Variants in CAMK2D observed in about 807,000 individuals in gnomAD.
CAMK2D encodes the protein calcium/calmodulin-dependent protein kinase type II subunit delta.
Under a neutral mutation model 84.0 loss-of-function variants are expected in CAMK2D, and 37 were observed. The observed-to-expected ratio is 0.44, with a 90% confidence interval of 0.34 to 0.58. The LOEUF (loss-of-function observed/expected upper bound fraction) is 0.58. CAMK2D is among the 20% of genes least tolerant of loss of function. The pLI, the probability that CAMK2D is intolerant of heterozygous loss-of-function variation, is 0.02. For missense variants in CAMK2D, 448 were observed against 652.5 expected (o/e 0.69, Z 3.41); for synonymous variants, 202 against 212.5 (o/e 0.95, Z 0.43).
chr4:113,698,701 C>G lies in CAMK2D; in HGVS notation c.161-36929G>C, dbSNP rs576891713. On this transcript the variant is annotated intron_variant, in intron 2 of 20. Transcript: ENST00000511664. ...TTAATCCCATTCTCCAAAGGTGTTACCATCTGTCTTTCCAAACATATTTTG... is the reference window on the plus strand; with the variant it reads ...TTAATCCCATTCTCCAAAGGTGTTAGCATCTGTCTTTCCAAACATATTTTG... 5.3e-5 allele frequency among the ~76,000 whole-genome samples: 8 copies of G among 152,190 alleles called. No homozygotes were observed. The South Asian group carries it at 8.3e-4, about 16-fold the overall frequency.
intron 4 of CAMK2D, among the ~76,000 whole-genome samples, chr4:113,588,438 A>C (rs1032104663): frequency 1.3e-5 from 2 of 152,218 alleles, no homozygotes; most frequent in Admixed American, 6.5e-5. Context: ...CCATACAGGC[A>C]TAACTATTTT....
At chr4:113,729,634 T>C (rs1235207743) in intron 2 of CAMK2D, among the ~76,000 whole-genome samples, 2 of 152,206 alleles carry the variant, frequency 1.3e-5, no homozygotes, top group Non-Finnish European at 2.9e-5. Flanking sequence ...TACATCACCA[T>C]GATAGCACTT....
At chr4:113,636,989 T>G (rs749151927) in intron 3 of CAMK2D, among the ~76,000 whole-genome samples, 21 of 152,140 alleles carry the variant, frequency 1.4e-4, no homozygotes, top group Non-Finnish European at 2.9e-4. Flanking sequence ...CTCCCATCCT[T>G]GCCAGATAAA....
In CAMK2D at chr4:113,455,742, T is replaced by A. The variant is rs1302606430; in HGVS notation, c.*13A>T. 1.2e-6 allele frequency: 2 copies of A among 1,605,540 alleles called. No homozygotes were observed. Among genetic ancestry groups the A allele is most frequent in the South Asian group, 1.1e-5 (1 of 90,820 alleles). ...GTTACTTACAAGACCCATATGTGAA[T>A]GGTTTTCAGGCCTTAGATGTTTTGC... On this transcript the variant is annotated 3_prime_UTR_variant, in exon 20 of 21. Coordinates refer to ENST00000511664, the MANE Select transcript of CAMK2D (RefSeq NM_001321571.2).
intron 2 of CAMK2D, among the ~76,000 whole-genome samples, chr4:113,751,309 A>G (rs1291054736): frequency 6.6e-6 from 1 of 152,202 alleles, no homozygotes; most frequent in Non-Finnish European, 1.5e-5. Flanking sequence ...TCAACAAAAC[A>G]TCAAATTTTA....
chr4:113,695,659 C>T (rs2099400371), intron 2 of CAMK2D, among the ~76,000 whole-genome samples: 1 of 152,090 alleles, frequency 6.6e-6, no homozygotes, highest in Admixed American at 6.6e-5. Flanking sequence ...TTCTCACCAC[C>T]TCCCCTACAA....
At chr4:113,592,538 G>A (rs2098894775) in intron 4 of CAMK2D, among the ~76,000 whole-genome samples, 1 of 152,132 alleles carries the variant, frequency 6.6e-6, no homozygotes, top group Admixed American at 6.6e-5. Flanking sequence ...TGAGAAAATT[G>A]TGCTTTCAAA....
intron 3 of CAMK2D, among the ~76,000 whole-genome samples, chr4:113,618,729 A>G (rs975571253): frequency 2.6e-5 from 4 of 152,196 alleles, no homozygotes; most frequent in Non-Finnish European, 4.4e-5. Context: ...AAGTACATGA[A>G]AAATACATTC....
At chr4:113,556,817 T>C (rs921271931) in intron 4 of CAMK2D, among the ~76,000 whole-genome samples, 3 of 152,148 alleles carry the variant, frequency 2.0e-5, no homozygotes, top group South Asian at 2.1e-4. Context: ...CAACCACTGG[T>C]GTAAGGGTCT....
intron 2 of CAMK2D, among the ~76,000 whole-genome samples, chr4:113,738,040 C>A (rs1406454713): frequency 6.6e-6 from 1 of 152,006 alleles, no homozygotes; most frequent in African/African-American, 2.4e-5. Context: ...TTCTCACAAC[C>A]TCAAAATAGG....
At chr4:113,492,007 T>G (rs1009189764) in intron 16 of CAMK2D, among the ~76,000 whole-genome samples, 22 of 152,210 alleles carry the variant, frequency 1.4e-4, no homozygotes, top group African/African-American at 5.3e-4. Flanking sequence ...TCATTTTTTA[T>G]TGCGTCTATT....
At chr4:113,522,825 G>C (rs1422609362) in intron 8 of CAMK2D, among the ~76,000 whole-genome samples, 1 of 152,144 alleles carries the variant, frequency 6.6e-6, no homozygotes, top group African/African-American at 2.4e-5. Context: ...AGAATAAAAT[G>C]TCCGCATGTC....
intron 2 of CAMK2D, among the ~76,000 whole-genome samples, chr4:113,668,613 T>C (rs899717704): frequency 3.9e-5 from 6 of 152,096 alleles, no homozygotes; most frequent in Non-Finnish European, 7.4e-5. Flanking sequence ...ATTATAAAAA[T>C]AACTGTTTTT....
intron 8 of CAMK2D, among the ~76,000 whole-genome samples, chr4:113,525,308 T>C (rs1310027666): frequency 1.3e-5 from 2 of 152,194 alleles, no homozygotes; most frequent in African/African-American, 4.8e-5. Context: ...ACCTATGTTA[T>C]AGGCTTGCAT....
chr4:113,514,981 C>A (rs563765454), intron 10 of CAMK2D, 88 bp downstream of exon 10: 2 of 1,207,054 alleles, frequency 1.7e-6, no homozygotes, highest in Admixed American at 4.1e-5. Context: ...TCTTTTTTTG[C>A]AAAGCTATTT....
chr4:113,741,274 A>G (rs895270239), intron 2 of CAMK2D, among the ~76,000 whole-genome samples: 3 of 152,188 alleles, frequency 2.0e-5, no homozygotes, highest in African/African-American at 7.2e-5. Flanking sequence ...TGTATATGCT[A>G]AGATCTATGG....
chr4:113,508,186 C>A, intron 13 of CAMK2D: 1 of 1,350,380 alleles, frequency 7.4e-7, no homozygotes, highest in South Asian at 1.2e-5. Flanking sequence ...GACTTTTATT[C>A]CTAAGTGTGA....
intron 2 of CAMK2D, chr4:113,759,088 A>G: frequency 6.9e-6 from 2 of 288,316 alleles, no homozygotes; most frequent in Non-Finnish European, 1.3e-5. Flanking sequence ...GCTATTGCTC[A>G]TAGGACAGAT....
intron 8 of CAMK2D, among the ~76,000 whole-genome samples, chr4:113,523,088 G>A (rs2098382455): frequency 6.6e-6 from 1 of 152,112 alleles, no homozygotes; most frequent in African/African-American, 2.4e-5. Context: ...CCTGAAGAGG[G>A]CCCTCACCAA....
Sources: allele counts gnomAD v4.1 joint callset (sites outside exome capture counted in the v4.1 genomes callset), GRCh38; gene constraint gnomAD v4.1.1; transcripts MANE v1.5; gene names NCBI Gene and HGNC (gene_info 2026-07-23, HGNC 2026-07-21).